The following CHCHD3 variants were observed in gnomAD, a reference collection of about 807,000 sequenced individuals.
CHCHD3 encodes coiled-coil-helix-coiled-coil-helix domain containing 3.
In CHCHD3, 20 loss-of-function variants were observed where a neutral mutation model predicts 38.2. The observed-to-expected ratio is 0.52, with a 90% CI of 0.37 to 0.76. CHCHD3 has a LOEUF of 0.76. CHCHD3 is among the 30% of genes least tolerant of loss of function. The pLI is 0.00. For missense variants in CHCHD3, 245 were observed against 279.2 expected (o/e 0.88, Z 0.87); for synonymous variants, 82 against 100.0 (o/e 0.82, Z 1.07).
At chr7:132,969,004 C>A (rs1811544380) in intron 4 of CHCHD3, among the ~76,000 whole-genome samples, 2 of 152,106 alleles carry the variant, frequency 1.3e-5, no homozygotes, top group Non-Finnish European at 2.9e-5. Flanking sequence ...AGGCATACAG[C>A]ACAAAATTAA....
intron 4 of CHCHD3, among the ~76,000 whole-genome samples, chr7:132,933,985 G>A (rs1306229116): frequency 3.3e-5 from 5 of 152,326 alleles, no homozygotes; most frequent in Non-Finnish European, 7.3e-5. Flanking sequence ...AATGGGTATT[G>A]CAGAAGTGAA....
At chr7:132,909,362 G>A (rs112458421) in intron 4 of CHCHD3, among the ~76,000 whole-genome samples, 3 of 152,074 alleles carry the variant, frequency 2.0e-5, no homozygotes, top group African/African-American at 2.4e-5. Flanking sequence ...GGTGTGGTGC[G>A]CATCTGTCGT....
intron 4 of CHCHD3, among the ~76,000 whole-genome samples, chr7:132,919,211 C>G (rs1810198106): frequency 6.8e-6 from 1 of 147,432 alleles, no homozygotes; most frequent in Non-Finnish European, 1.5e-5. Flanking sequence ...CGGGTTCACA[C>G]CATTCTCCTG....
intron 6 of CHCHD3, among the ~76,000 whole-genome samples, chr7:132,832,867 A>C (rs916187383): frequency 1.8e-4 from 28 of 152,194 alleles, no homozygotes; most frequent in Non-Finnish European, 4.4e-5. Context: ...CTTACATGCT[A>C]TTCTATCATG....
chr7:132,843,039 TTTTG>T (rs1435168522), intron 5 of CHCHD3, among the ~76,000 whole-genome samples: 2 of 152,068 alleles, frequency 1.3e-5, no homozygotes, highest in Admixed American at 6.6e-5. Flanking sequence ...TTTCTTTCGT[TTTTG>T]TTTATTTGTT....
In CHCHD3 at chr7:132,785,059, CATA is replaced by C. The variant is rs1235774951; in HGVS notation, c.*575_*577del. The C allele has an allele frequency of 6.6e-6, 1 of 152,662 alleles. No homozygotes were observed. Among genetic ancestry groups the C allele is most frequent in the Non-Finnish European group, 1.5e-5 (1 of 68,068 alleles). 9.5% of individuals were successfully genotyped at this position (152,662 alleles called of 1,614,324 possible). A position where few individuals can be genotyped will look rare whatever the true frequency, so the allele number is the denominator to read the frequency against. On this transcript the variant is annotated 3_prime_UTR_variant, in exon 8 of 8. Coordinates refer to ENST00000262570, the MANE Select transcript of CHCHD3 (RefSeq NM_017812.4). The stretch of plus-strand genomic sequence containing the variant: ...TTTGTCTTCTTGCCTGTATAATCAC[CATA>C]ATAAGTTATAATGAAATAGCTCTTA...
At chr7:132,895,366 C>T (rs1268050237) in intron 4 of CHCHD3, among the ~76,000 whole-genome samples, 1 of 152,202 alleles carries the variant, frequency 6.6e-6, no homozygotes, top group Admixed American at 6.5e-5. Flanking sequence ...TACTCGTGGC[C>T]TCTAATCCGT....
intron 6 of CHCHD3, among the ~76,000 whole-genome samples, chr7:132,835,061 C>T (rs1490779701): frequency 6.6e-6 from 1 of 151,700 alleles, no homozygotes. Context: ...ACCTTTGCCT[C>T]CTAGGCTCAG....
chr7:132,907,222 A>G (rs146514220), intron 4 of CHCHD3, among the ~76,000 whole-genome samples: 1 of 152,304 alleles, frequency 6.6e-6, no homozygotes, highest in Admixed American at 6.5e-5. Flanking sequence ...ATCTCATTCA[A>G]TGATCATAAA....
chr7:132,848,825 C>A (rs1037238124), intron 5 of CHCHD3, among the ~76,000 whole-genome samples: 1 of 152,112 alleles, frequency 6.6e-6, no homozygotes, highest in Non-Finnish European at 1.5e-5. Context: ...ATTACTGAAA[C>A]TTCTTAAACC....
At chr7:132,841,425 C>A (rs1298827597) in intron 5 of CHCHD3, among the ~76,000 whole-genome samples, 2 of 136,376 alleles carry the variant, frequency 1.5e-5, no homozygotes, top group Admixed American at 7.3e-5. Flanking sequence ...CAAACAACAA[C>A]AACAAAAAAA....
In CHCHD3 at chr7:133,035,941, C is replaced by T; in HGVS notation, c.170-11314G>A. 3.3e-6 allele frequency: 5 copies of T among 1,522,732 alleles called. No individual in the cohort carries two copies. Among genetic ancestry groups the T allele is most frequent in the Non-Finnish European group, 4.5e-6 (5 of 1,106,054 alleles). 94.3% of individuals were successfully genotyped at this position (1,522,732 alleles called of 1,614,324 possible). On this transcript the variant is annotated intron_variant, in intron 2 of 7. Transcript: ENST00000262570. This position sits in a 1 kb window ranked among gnomAD's most constrained non-coding sequence, Gnocchi z 4.7. The stretch of plus-strand genomic sequence containing the variant: ...GCCATGGTGATTCCGCAAAGAAAGG[C>T]TGGATCCAGTCTTAAAAGTGTTATC...
At chr7:132,883,293 C>A (rs1056788779) in intron 5 of CHCHD3, among the ~76,000 whole-genome samples, 2 of 152,182 alleles carry the variant, frequency 1.3e-5, no homozygotes, top group African/African-American at 4.8e-5. Context: ...GTGCTACATA[C>A]TATTACAGGT....
intron 2 of CHCHD3, among the ~76,000 whole-genome samples, chr7:133,043,325 A>G (rs377742425): frequency 6.6e-6 from 1 of 152,136 alleles, no homozygotes; most frequent in East Asian, 1.9e-4. Flanking sequence ...GACAAAACTG[A>G]CTTAACTGTT....
At chr7:133,043,301 T>C (rs934091091) in intron 2 of CHCHD3, among the ~76,000 whole-genome samples, 5 of 152,210 alleles carry the variant, frequency 3.3e-5, no homozygotes, top group Non-Finnish European at 5.9e-5. Flanking sequence ...GGACCAACCA[T>C]ATTTTTTAAT....
intron 4 of CHCHD3, among the ~76,000 whole-genome samples, chr7:132,924,620 T>G (rs1176249462): frequency 6.6e-6 from 1 of 152,190 alleles, no homozygotes; most frequent in Non-Finnish European, 1.5e-5. Flanking sequence ...GAATATTCAT[T>G]CAAAATTTTC....
chr7:132,977,959 A>G (rs1471515998), intron 3 of CHCHD3, among the ~76,000 whole-genome samples: 1 of 152,202 alleles, frequency 6.6e-6, no homozygotes, highest in Non-Finnish European at 1.5e-5. Context: ...TTAGCTTGCC[A>G]TGACTGGTAC....
chr7:133,080,963 G>C (rs1195074450), intron 1 of CHCHD3, among the ~76,000 whole-genome samples: 1 of 152,076 alleles, frequency 6.6e-6, no homozygotes, highest in African/African-American at 2.4e-5. Flanking sequence ...ACTAGGTTCA[G>C]GCATCATACG....
rs146874594 is a variant in CHCHD3, at chr7:132,894,546, A to C, written c.370-8801T>G. On this transcript the variant is annotated intron_variant, in intron 4 of 7. Transcript: ENST00000262570. ...GCACTTGTTTTTGCTTTTACCTTGT[A>C]TGATACATGCTTACTTACCCACTAC... Among the ~76,000 whole-genome samples, 4 of 152,330 alleles carry C rather than the reference A, an allele frequency of 2.6e-5. No homozygotes were observed. The East Asian group carries it at 7.7e-4, about 29-fold the overall frequency.
Sources: allele counts gnomAD v4.1 joint callset (sites outside exome capture counted in the v4.1 genomes callset), GRCh38; gene constraint gnomAD v4.1.1; non-coding constraint Gnocchi (gnomAD v3.1); transcripts MANE v1.5; gene names NCBI Gene and HGNC (gene_info 2026-07-23, HGNC 2026-07-21).